SUN2: variants seen among roughly 807,000 people sequenced by gnomAD.
SUN2 encodes SUN domain-containing protein 2.
A neutral mutation model predicts 100.0 loss-of-function variants in SUN2; 60 were observed. That is an observed-to-expected ratio of 0.60 (90% CI 0.49 to 0.74). The LOEUF is 0.74. Among genes scored for constraint, SUN2 ranks in the 30% least tolerant of loss-of-function variants. The pLI is 0.00. For missense variants in SUN2, 834 were observed against 954.6 expected, an observed-to-expected ratio of 0.87 and a Z score of 1.66; for synonymous variants, 367 against 403.3, an observed-to-expected ratio of 0.91 and a Z score of 1.08.
intron 9 of SUN2, among the ~76,000 whole-genome samples, chr22:38,742,099 C>T (rs559245691): frequency 7.3e-5 from 11 of 151,520 alleles, no homozygotes; most frequent in Non-Finnish European, 1.2e-4. Flanking sequence ...GTCGAGATCA[C>T]GCCACTGCAC....
At chr22:38,753,650 AGAT>A (rs1193277116) in intron 1 of SUN2, among the ~76,000 whole-genome samples, 1 of 152,166 alleles carries the variant, frequency 6.6e-6, no homozygotes, top group Non-Finnish European at 1.5e-5. Flanking sequence ...CATCTTGGTA[AGAT>A]GATGATAAAA....
At position 38,745,792 on chromosome 22, in the gene SUN2, G is replaced by A. The variant is rs1021440610; in HGVS notation, c.705C>T (p.Pro235=). Residue 235 remains proline, a synonymous_variant, in exon 8 of 18, where the codon CCC becomes CCT. Transcript: ENST00000689035. Reference sequence around the variant, plus strand: ...CAGGGTGGAATGTCTGCAGCCCATAGGGGTAGAAATACCAAGCACCTGTGC... The same window carrying A: ...CAGGGTGGAATGTCTGCAGCCCATAAGGGTAGAAATACCAAGCACCTGTGC... ...CLTYGAWYFY[P]YGLQTFHPAL... 1 of 1,613,968 alleles carries A rather than the reference G, an allele frequency of 6.2e-7. No homozygotes were observed. Among genetic ancestry groups the A allele is most frequent in the Non-Finnish European group, 8.5e-7 (1 of 1,179,986 alleles).
chr22:38,755,772 C>T lies in SUN2; in HGVS notation c.-47G>A. 1 of 984,766 alleles carries T rather than the reference C, an allele frequency of 1.0e-6. No homozygotes were observed. The highest frequency in any genetic ancestry group is 1.2e-6 in the Non-Finnish European group (1 of 829,706). The allele number at this position is 984,766 out of a possible 1,614,324, so 61.0% of individuals were successfully genotyped here. A position where few individuals can be genotyped will look rare whatever the true frequency, so the allele number is the denominator to read the frequency against. ...GCTCGCCCGCACTCACCTGCTGCCG[C>T]GGCGGCTTCTAGCCCGGCCGGGGGC... is the stretch of plus-strand genomic sequence containing the variant. On this transcript the variant is annotated 5_prime_UTR_variant, in exon 1 of 18. Transcript: ENST00000689035. This position sits in a 1 kb window ranked among gnomAD's most constrained non-coding sequence, Gnocchi z 5.7.
Position 38,739,328 on chromosome 22 carries a change from A to G in SUN2, c.1663+14T>C. The G allele has an allele frequency of 6.2e-7, 1 of 1,612,764 alleles. No individual in the cohort carries two copies. Among genetic ancestry groups the G allele is most frequent in the Non-Finnish European group, 8.5e-7 (1 of 1,179,814 alleles). On this transcript the variant is annotated intron_variant, in intron 14 of 17. Coordinates refer to ENST00000689035, the MANE Select transcript of SUN2 (RefSeq NM_015374.3). The surrounding 1 kb of genome is among the most constrained non-coding windows in gnomAD (Gnocchi z 6.7). ...GTCCAGGACAAGGCAGAGCGAGGAA[A>G]GCAGAGCACGTACCTCCTGACTCCA...
chr22:38,742,824 A>T, intron 8 of SUN2: 1 of 428,516 alleles, frequency 2.3e-6, no homozygotes, highest in Non-Finnish European at 4.2e-6. Context: ...AGGAGGAAGG[A>T]AGGTGGGCCG....
intron 9 of SUN2, 74 bp from the exon 10 acceptor site, chr22:38,741,645 G>T: frequency 7.1e-7 from 1 of 1,409,140 alleles, no homozygotes; most frequent in Non-Finnish European, 1.0e-6. Context: ...GGAAGTGGCG[G>T]AACTGGAATT....
At position 38,755,458 on chromosome 22, in the gene SUN2, GCGCTGCC is replaced by G; in HGVS notation, c.-38+298_-38+304del. The G allele has an allele frequency of 1.0e-6, 1 of 990,090 alleles. No individual in the cohort carries two copies. Among genetic ancestry groups the G allele is most frequent in the South Asian group, 4.5e-5 (1 of 22,300 alleles). 61.3% of individuals were successfully genotyped at this position (990,090 alleles called of 1,614,324 possible). A position where few individuals can be genotyped will look rare whatever the true frequency, so the allele number is the denominator to read the frequency against. ...GGCCTGTCTGGCACAAAACCCGTAG[GCGCTGCC>G]CGGGGCCGGGTTGGGGCAGTCGGCC... On this transcript the variant is annotated intron_variant, in intron 1 of 17. Transcript: ENST00000689035. This position sits in a 1 kb window ranked among gnomAD's most constrained non-coding sequence, Gnocchi z 5.7.
Position 38,742,309 on chromosome 22 carries a change from G to A in SUN2, c.1060C>T (p.Arg354Cys), listed in dbSNP as rs774990510. 1.8e-5 allele frequency: 29 copies of A among 1,601,232 alleles called. No individual in the cohort carries two copies. The highest frequency in any genetic ancestry group is 3.3e-5 in the South Asian group (3 of 90,588). Residue 354 changes from arginine to cysteine, a missense_variant, in exon 9 of 18, where the codon CGC becomes TGC. Arg to Cys is a radical substitution (Grantham distance 180). Around this residue, in one of 3 missense-constraint regions of SUN2, gnomAD observed 559 missense variants for 597.7 expected, o/e 0.94. Transcript: ENST00000689035. ...GGTATTCCACCTCCTACCTGGATGC[G>A]AGCAGCAGTTTCCCTGCGGAAATCC... ...KEDFRRETAARIQEELSALRA... is the reference protein window; with the variant it reads ...KEDFRRETAACIQEELSALRA...
chr22:38,745,045 G>T, intron 8 of SUN2: 1 of 471,222 alleles, frequency 2.1e-6, no homozygotes, highest in Non-Finnish European at 4.4e-6. Flanking sequence ...TTGGCTCTGA[G>T]ATTTGCGGTA....
intron 3 of SUN2, 58 bp from the exon 4 acceptor site, chr22:38,751,093 G>C (rs1384282955): frequency 1.2e-6 from 2 of 1,610,142 alleles, no homozygotes; most frequent in Non-Finnish European, 8.5e-7. Flanking sequence ...GAAAAGTGGG[G>C]TCTGGGCAGA....
In SUN2 at chr22:38,751,192, G is replaced by A. The variant is rs202130199; in HGVS notation, c.286+18C>T. 323 of 1,606,480 alleles carry A rather than the reference G, an allele frequency of 2.0e-4. 1 individual carries two copies. The African/African-American group carries it at 2.7e-3, about 13-fold the overall frequency. On this transcript the variant is annotated intron_variant, in intron 3 of 17. Transcript: ENST00000689035. ...GGCCGAGGAAGCAAAGCCCCGGGAC[G>A]GAGGGCTCCACACTCACCCCAGTTG...
At chr22:38,750,791 C>T in intron 4 of SUN2, 107 bp downstream of exon 4, 1 of 1,518,674 alleles carries the variant, frequency 6.6e-7, no homozygotes, top group Admixed American at 1.9e-5. Context: ...GGGCGCTGTG[C>T]CTGCCACATG....
Sources: allele counts gnomAD v4.1 joint callset (sites outside exome capture counted in the v4.1 genomes callset), GRCh38; gene constraint gnomAD v4.1.1; regional missense constraint gnomAD v4.1.1; non-coding constraint Gnocchi (gnomAD v3.1); transcripts MANE v1.5; gene names NCBI Gene and HGNC (gene_info 2026-07-23, HGNC 2026-07-21).